The following SP140L variants were observed in gnomAD, a reference collection of about 807,000 sequenced individuals.
SP140L encodes SP140 like nuclear body protein.
In SP140L, 64 loss-of-function variants were observed where a neutral mutation model predicts 84.3. The ratio of observed to expected loss-of-function variants is 0.76; its 90% CI spans 0.62 to 0.94. The LOEUF (loss-of-function observed/expected upper bound fraction) is 0.94. SP140L is among the 40% of genes least tolerant of loss of function. The pLI is 0.00. For synonymous variants in SP140L, 242 were observed against 236.9 expected, an observed-to-expected ratio of 1.02 and a Z score of -0.20; for missense variants, 628 against 692.5, an observed-to-expected ratio of 0.91 and a Z score of 1.05.
chr2:230,338,828 G>C (rs2059951109), intron 2 of SP140L, among the ~76,000 whole-genome samples: 1 of 143,716 alleles, frequency 7.0e-6, no homozygotes, highest in African/African-American at 2.7e-5. Context: ...AACCAGCCTT[G>C]CATCCCAAGG....
In SP140L at chr2:230,372,734, A is replaced by T. The variant is rs961013225; in HGVS notation, c.637+1083A>T. The stretch of plus-strand genomic sequence containing the variant: ...AGCGAGACTCCGTCTCAAAAAAAAA[A>T]AAAAAAAAAAAAAGAAAGAGTCACA... On this transcript the variant is annotated intron_variant, in intron 7 of 18. Transcript: ENST00000415673. The T allele has an allele frequency of 9.2e-5, 14 of 151,392 alleles. 1 individual carries two copies. Among genetic ancestry groups the T allele is most frequent in the Admixed American group, 9.2e-4 (14 of 15,254 alleles). 9.4% of individuals were successfully genotyped at this position (151,392 alleles called of 1,614,324 possible).
intron 11 of SP140L, 135 bp downstream of exon 11, chr2:230,390,158 T>G: frequency 1.1e-4 from 75 of 699,364 alleles, no homozygotes; most frequent in Non-Finnish European, 1.4e-4. Context: ...GAGGAAGGGA[T>G]CCCTAAGATG....
intron 4 of SP140L, among the ~76,000 whole-genome samples, chr2:230,360,474 T>G (rs921698017): frequency 1.3e-5 from 2 of 152,348 alleles, no homozygotes; most frequent in South Asian, 4.1e-4. Context: ...AAATAATTTT[T>G]GTAACAAGTC....
At chr2:230,386,146 A>G (rs6741110) in intron 9 of SP140L, among the ~76,000 whole-genome samples, 66,532 of 152,028 alleles carry the variant, frequency 0.44, 14,869 homozygotes, top group South Asian at 0.53. Context: ...GTGTGAGTGA[A>G]GGGCTGAACC....
intron 2 of SP140L, among the ~76,000 whole-genome samples, chr2:230,352,776 A>G (rs567984552): frequency 3.9e-4 from 60 of 152,190 alleles, no homozygotes; most frequent in African/African-American, 1.4e-3. Flanking sequence ...CTATCGCATT[A>G]GCTAAAGCTT....
At chr2:230,370,542 G>A (rs1018156369) in intron 5 of SP140L, among the ~76,000 whole-genome samples, 6 of 152,182 alleles carry the variant, frequency 3.9e-5, no homozygotes, top group Non-Finnish European at 5.9e-5. Context: ...TTTCTCATTA[G>A]TATCTGGTGA....
At chr2:230,390,761 A>T (rs1274277909) in intron 11 of SP140L, among the ~76,000 whole-genome samples, 1 of 152,096 alleles carries the variant, frequency 6.6e-6, no homozygotes, top group Non-Finnish European at 1.5e-5. Context: ...CACCACTTAG[A>T]GTATACCAAT....
intron 2 of SP140L, among the ~76,000 whole-genome samples, chr2:230,348,640 C>A (rs1449464477): frequency 6.6e-6 from 1 of 152,104 alleles, no homozygotes; most frequent in East Asian, 1.9e-4. Context: ...ATATAATTGG[C>A]TAATATTTTC....
rs901721427 is a variant in SP140L at position 230,403,269 on chromosome 2, TCTC to T, written c.*374_*376del. 1 of 170,720 alleles carries T rather than the reference TCTC, an allele frequency of 5.9e-6. No homozygotes were observed. The highest frequency in any genetic ancestry group is 2.4e-5 in the African/African-American group (1 of 41,548). The allele number at this position is 170,720 out of a possible 1,614,324, so 10.6% of individuals were successfully genotyped here. On this transcript the variant is annotated 3_prime_UTR_variant, in exon 19 of 19. Transcript: ENST00000415673. ...CCGGGATTGGAATGCAATGGCGCGA[TCTC>T]AGCTCACTGCAACCTCTGCCTCCCG...
intron 12 of SP140L, 127 bp downstream of exon 12, chr2:230,392,356 T>G (rs1430079777): frequency 2.2e-5 from 31 of 1,441,668 alleles, no homozygotes; most frequent in African/African-American, 1.4e-5. Context: ...GTTTATCCTC[T>G]CACTCAGGAG....
intron 2 of SP140L, among the ~76,000 whole-genome samples, chr2:230,349,197 G>A (rs2060294273): frequency 6.6e-6 from 1 of 152,210 alleles, no homozygotes; most frequent in South Asian, 2.1e-4. Context: ...GAAACCACAA[G>A]GATTTTTTCT....
rs2059652870 is a variant in SP140L, at chr2:230,328,942, G to A, written c.107+111G>A. 1.3e-5 allele frequency: 19 copies of A among 1,416,368 alleles called. No individual in the cohort carries two copies. The South Asian group carries it at 2.6e-4, about 19-fold the overall frequency. The allele number at this position is 1,416,368 out of a possible 1,614,324, so 87.7% of individuals were successfully genotyped here. ...AAATTTCCTCTTCCATAATTTTTTTGTTTATTTTTTGCCAATGTGATTCAG... is the reference window on the plus strand; with the variant it reads ...AAATTTCCTCTTCCATAATTTTTTTATTTATTTTTTGCCAATGTGATTCAG... On this transcript the variant is annotated intron_variant, in intron 2 of 18. Coordinates refer to ENST00000415673, the MANE Select transcript of SP140L (RefSeq NM_138402.6).
chr2:230,388,703 T>G, intron 10 of SP140L, 70 bp downstream of exon 10: 6 of 1,292,162 alleles, frequency 4.6e-6, no homozygotes, highest in Non-Finnish European at 5.3e-6. Flanking sequence ...TGCTGTATTT[T>G]CAGTAATAAA....
rs61603133 is a variant in SP140L, at chr2:230,354,848, G to GGAAAGAAAGAAAGAAAGAAA, written c.108-2927_108-2908dup. 6.9e-3 allele frequency among the ~76,000 whole-genome samples: 755 copies of GGAAAGAAAGAAAGAAAGAAA among 108,858 alleles called. 3 individuals are homozygous for GGAAAGAAAGAAAGAAAGAAA. Among genetic ancestry groups the GGAAAGAAAGAAAGAAAGAAA allele is most frequent in the African/African-American group, 0.01 (287 of 28,000 alleles). 71.4% of individuals were successfully genotyped at this position (108,858 alleles called of 152,430 possible). A position where few individuals can be genotyped will look rare whatever the true frequency, so the allele number is the denominator to read the frequency against. On this transcript the variant is annotated intron_variant, in intron 2 of 18. Transcript: ENST00000415673. The stretch of plus-strand genomic sequence containing the variant: ...AAGAAAGAGACAAGAAAGAAAGAAA[G>GGAAAGAAAGAAAGAAAGAAA]GAAAGAAAGAAAGAAAGAAAGAAAG...
At chr2:230,354,918 A>AGAAAGGAAAGAGAAAG (rs2060494591) in intron 2 of SP140L, among the ~76,000 whole-genome samples, 1 of 112,506 alleles carries the variant, frequency 8.9e-6, no homozygotes, top group South Asian at 2.8e-4. Context: ...GAAGAAAGAA[A>AGAAAGGAAAGAGAAAG]AAGAAAGAAA....
intron 1 of SP140L, among the ~76,000 whole-genome samples, chr2:230,328,071 T>G (rs1172507643): frequency 1.3e-5 from 2 of 152,238 alleles, no homozygotes; most frequent in African/African-American, 4.8e-5. Flanking sequence ...TTATTTCATT[T>G]TTTTGAGACA....
intron 7 of SP140L, among the ~76,000 whole-genome samples, chr2:230,380,123 A>C (rs1029690882): frequency 2.6e-5 from 4 of 152,206 alleles, no homozygotes; most frequent in Non-Finnish European, 5.9e-5. Flanking sequence ...GAGGCTTCAC[A>C]ATCATGGCAG....
At chr2:230,363,532 T>TC (rs397827530) in intron 5 of SP140L, among the ~76,000 whole-genome samples, 5 of 151,738 alleles carry the variant, frequency 3.3e-5, no homozygotes, top group African/African-American at 1.2e-4. Context: ...TTTTTTTTTT[T>TC]AGTATGGAGT....
In SP140L at chr2:230,401,876, A is replaced by T. The variant is rs149868751; in HGVS notation, c.1644+69A>T. The T allele has an allele frequency of 6.7e-4, 1,072 of 1,589,620 alleles. 8 individuals are homozygous for T. The African/African-American group carries it at 0.013, about 19-fold the overall frequency. ...CCCCTCATTTTCTGGTGCCTAGAAA[A>T]ATTTAGTTTCCCTCATCCTGTAATA... On this transcript the variant is annotated intron_variant, in intron 18 of 18. Transcript: ENST00000415673.
Sources: allele counts gnomAD v4.1 joint callset (sites outside exome capture counted in the v4.1 genomes callset), GRCh38; gene constraint gnomAD v4.1.1; transcripts MANE v1.5; gene names NCBI Gene and HGNC (gene_info 2026-07-23, HGNC 2026-07-21).